The following UNC5D variants were observed in gnomAD, a reference collection of about 807,000 sequenced individuals.
The protein encoded by UNC5D is unc-5 netrin receptor D.
Under a neutral mutation model 105.4 loss-of-function variants are expected in UNC5D, and 39 were observed. That is an observed-to-expected ratio of 0.37 (90% confidence interval 0.29 to 0.48). UNC5D has a LOEUF of 0.48. Among genes scored for constraint, UNC5D ranks in the 20% least tolerant of loss-of-function variants. The pLI is 0.98. For synonymous variants in UNC5D, 452 were observed against 450.4 expected (o/e 1.00, Z -0.04); for missense variants, 991 against 1,202.4 (o/e 0.82, Z 2.60).
chr8:35,265,295 TC>T (rs542396530), intron 1 of UNC5D, among the ~76,000 whole-genome samples: 2 of 152,254 alleles, frequency 1.3e-5, no homozygotes, highest in African/African-American at 4.8e-5. Flanking sequence ...TCTTTTTTTT[TC>T]CCCATAAAGA....
At chr8:35,373,425 CCTT>C (rs1218079009) in intron 1 of UNC5D, among the ~76,000 whole-genome samples, 6 of 152,282 alleles carry the variant, frequency 3.9e-5, no homozygotes, top group East Asian at 1.9e-4. Context: ...ACTTATTTAG[CCTT>C]CTTCTCTCCT....
rs551657876 is a variant in UNC5D, at chr8:35,258,716, G to A, written c.103+22829G>A. On this transcript the variant is annotated intron_variant, in intron 1 of 16. Transcript: ENST00000404895. The stretch of plus-strand genomic sequence containing the variant: ...GAAACTGAGATCTAGAAATAAAAGC[G>A]ACTATAGCTGCCATCAAAGATCTTT... 3.9e-5 allele frequency among the ~76,000 whole-genome samples: 6 copies of A among 152,206 alleles called. No homozygotes were observed. In the South Asian group the frequency reaches 8.3e-4, roughly 21 times the overall value.
intron 1 of UNC5D, among the ~76,000 whole-genome samples, chr8:35,542,220 G>A (rs377759630): frequency 2.0e-5 from 3 of 152,138 alleles, no homozygotes; most frequent in East Asian, 3.9e-4. Context: ...TAAATATTTG[G>A]TATGTAAAAT....
chr8:35,344,188 A>G (rs1358370221), intron 1 of UNC5D, among the ~76,000 whole-genome samples: 2 of 152,056 alleles, frequency 1.3e-5, no homozygotes, highest in East Asian at 1.9e-4. Flanking sequence ...ATAAATGGCA[A>G]TGCTGGAATG....
intron 7 of UNC5D, among the ~76,000 whole-genome samples, chr8:35,700,368 A>G (rs1394251837): frequency 6.6e-6 from 1 of 152,174 alleles, no homozygotes; most frequent in Non-Finnish European, 1.5e-5. Context: ...ATAAGCATTT[A>G]AATATGATTT....
At chr8:35,499,560 T>C (rs994982545) in intron 1 of UNC5D, among the ~76,000 whole-genome samples, 2 of 152,228 alleles carry the variant, frequency 1.3e-5, no homozygotes, top group Non-Finnish European at 2.9e-5. Context: ...TTTAATTATG[T>C]CTGTGCTGGC....
intron 1 of UNC5D, among the ~76,000 whole-genome samples, chr8:35,496,287 T>C (rs952008479): frequency 1.2e-4 from 19 of 152,132 alleles, no homozygotes; most frequent in African/African-American, 4.6e-4. Flanking sequence ...CATGCTGAAT[T>C]GCTGAGGTCA....
intron 1 of UNC5D, among the ~76,000 whole-genome samples, chr8:35,322,784 C>G (rs527863870): frequency 6.6e-6 from 1 of 152,142 alleles, no homozygotes; most frequent in African/African-American, 2.4e-5. Flanking sequence ...TGGCTCAGTA[C>G]GTACGATTTC....
At chr8:35,723,348 A>AAAAG (rs1828683843) in intron 9 of UNC5D, among the ~76,000 whole-genome samples, 3 of 152,312 alleles carry the variant, frequency 2.0e-5, no homozygotes, top group South Asian at 4.2e-4. Context: ...GTTAGGCCTC[A>AAAAG]AAAGAGACAC....
chr8:35,275,128 T>TATA lies in UNC5D; in HGVS notation c.103+39241_103+39242insATA, dbSNP rs1467186208. Among the ~76,000 whole-genome samples the TATA allele has an allele frequency of 7.4e-4, 110 of 149,146 alleles. 1 individual carries two copies. Among genetic ancestry groups the TATA allele is most frequent in the African/African-American group, 2.4e-3 (97 of 40,870 alleles). ...CAAAACAACAACAAAATATATATTT[T>TATA]TATATATATATATATTTATGAAAAC... On this transcript the variant is annotated intron_variant, in intron 1 of 16. Transcript: ENST00000404895.
chr8:35,369,284 C>G (rs1357544475), intron 1 of UNC5D, among the ~76,000 whole-genome samples: 2 of 152,140 alleles, frequency 1.3e-5, no homozygotes, highest in East Asian at 3.9e-4. Flanking sequence ...CTTGCATCCT[C>G]ACCATCTAGA....
chr8:35,787,625 T>G (rs1220662976), intron 16 of UNC5D, among the ~76,000 whole-genome samples: 1 of 152,170 alleles, frequency 6.6e-6, no homozygotes, highest in African/African-American at 2.4e-5. Flanking sequence ...TTTGTTTGTT[T>G]GTCTTTTTTT....
chr8:35,537,014 C>CAAAT (rs201125119), intron 1 of UNC5D, among the ~76,000 whole-genome samples: 8 of 148,170 alleles, frequency 5.4e-5, no homozygotes, highest in Admixed American at 1.4e-4. Flanking sequence ...ACAAAACAAA[C>CAAAT]AACAACAACA....
chr8:35,280,305 T>C (rs1210703580), intron 1 of UNC5D, among the ~76,000 whole-genome samples: 1 of 152,188 alleles, frequency 6.6e-6, no homozygotes, highest in Admixed American at 6.5e-5. Context: ...TTGAGGTGGA[T>C]CTGTAATGTC....
intron 3 of UNC5D, among the ~76,000 whole-genome samples, chr8:35,575,330 G>A (rs997012867): frequency 6.6e-6 from 1 of 152,066 alleles, no homozygotes; most frequent in African/African-American, 2.4e-5. Context: ...GTAGGATATG[G>A]CTCTAGAAAA....
chr8:35,421,140 A>G (rs1172637748), intron 1 of UNC5D, among the ~76,000 whole-genome samples: 1 of 152,196 alleles, frequency 6.6e-6, no homozygotes, highest in Non-Finnish European at 1.5e-5. Context: ...AAAGGTTATG[A>G]CATTAACCTT....
chr8:35,755,708 C>A (rs1830487683), intron 13 of UNC5D, among the ~76,000 whole-genome samples: 3 of 152,126 alleles, frequency 2.0e-5, no homozygotes, highest in African/African-American at 7.2e-5. Flanking sequence ...CTGAGAAAAA[C>A]CACCATCCAG....
chr8:35,687,169 C>T (rs535218472), intron 7 of UNC5D, among the ~76,000 whole-genome samples: 3 of 152,246 alleles, frequency 2.0e-5, no homozygotes, highest in Admixed American at 2.0e-4. Context: ...ATAGGCCGGG[C>T]GCAGTGGCTC....
chr8:35,780,044 G>A (rs904567481), intron 16 of UNC5D, among the ~76,000 whole-genome samples: 4 of 152,180 alleles, frequency 2.6e-5, no homozygotes, highest in African/African-American at 9.7e-5. Flanking sequence ...TGAGATATGG[G>A]CAGATGAGTA....
Sources: allele counts gnomAD v4.1 joint callset (sites outside exome capture counted in the v4.1 genomes callset), GRCh38; gene constraint gnomAD v4.1.1; transcripts MANE v1.5; gene names NCBI Gene and HGNC (gene_info 2026-07-23, HGNC 2026-07-21).